Variants in SMAD4 observed in about 807,000 individuals in gnomAD.
SMAD4 encodes MAD homolog 4.
In SMAD4, 7 loss-of-function variants were observed where a neutral mutation model predicts 63.2. The observed-to-expected ratio is 0.11, with a 90% CI of 0.06 to 0.21. The LOEUF is 0.21. Among genes scored for constraint, SMAD4 ranks in the 10% least tolerant of loss-of-function variants. The pLI, the probability that SMAD4 is intolerant of heterozygous loss-of-function variation, is 1.00. For missense variants in SMAD4, 312 were observed against 693.8 expected (o/e 0.45, Z 6.18); for synonymous variants, 215 against 235.4 (o/e 0.91, Z 0.79).
intron 1 of SMAD4, among the ~76,000 whole-genome samples, chr18:51,041,397 A>G (rs921477168): frequency 1.3e-5 from 2 of 152,078 alleles, no homozygotes; most frequent in African/African-American, 2.4e-5. Context: ...CCTCATCCCT[A>G]CCTTGAAATT....
rs1344252125 is a variant in SMAD4, at chr18:51,084,000, GCACGCGCGCGCGCACA to G, written c.*5537_*5552del. 64 of 201,364 alleles carry G rather than the reference GCACGCGCGCGCGCACA, an allele frequency of 3.2e-4. No individual in the cohort carries two copies. The highest frequency in any genetic ancestry group is 1.7e-3 in the African/African-American group (58 of 34,354). 12.5% of individuals were successfully genotyped at this position (201,364 alleles called of 1,614,324 possible). A position where few individuals can be genotyped will look rare whatever the true frequency, so the allele number is the denominator to read the frequency against. ...TGCAATAAACACTTAACGCGCGTGC[GCACGCGCGCGCGCACA>G]CACACACACACACACACACACACAC... On this transcript the variant is annotated 3_prime_UTR_variant, in exon 12 of 12. Coordinates refer to ENST00000342988, the MANE Select transcript of SMAD4 (RefSeq NM_005359.6).
intron 1 of SMAD4, among the ~76,000 whole-genome samples, chr18:51,032,097 C>T (rs1237814867): frequency 6.6e-6 from 1 of 152,016 alleles, no homozygotes; most frequent in African/African-American, 2.4e-5. Context: ...ATTTGTAATT[C>T]GGAGTAGCTT....
intron 10 of SMAD4, among the ~76,000 whole-genome samples, chr18:51,076,342 A>T (rs1910470328): frequency 6.6e-6 from 1 of 152,170 alleles, no homozygotes; most frequent in African/African-American, 2.4e-5. Context: ...TACATTTTAC[A>T]CAGATTTCCA....
intron 7 of SMAD4, among the ~76,000 whole-genome samples, chr18:51,059,460 A>G (rs1355955484): frequency 6.6e-6 from 1 of 152,258 alleles, no homozygotes; most frequent in Non-Finnish European, 1.5e-5. Flanking sequence ...TATGTTAGCT[A>G]TGATTCCATT....
rs542581332 is a variant in SMAD4, at chr18:51,053,919, C to G, written c.455-862C>G. The G allele has an allele frequency of 3.3e-5, 5 of 152,198 alleles. No individual in the cohort carries two copies. The East Asian group carries it at 9.7e-4, about 29-fold the overall frequency. The allele number at this position is 152,198 out of a possible 1,614,324, so 9.4% of individuals were successfully genotyped here. A position where few individuals can be genotyped will look rare whatever the true frequency, so the allele number is the denominator to read the frequency against. On this transcript the variant is annotated intron_variant, in intron 4 of 11. Transcript: ENST00000342988. ...TGGTTGCTAAAGGTAAAAAGCAAACCTTAAAACAATAACCTAAAAACAAAT... is the reference window on the plus strand; with the variant it reads ...TGGTTGCTAAAGGTAAAAAGCAAACGTTAAAACAATAACCTAAAAACAAAT...
At chr18:51,055,268 A>G (rs946458326) in intron 5 of SMAD4, among the ~76,000 whole-genome samples, 1 of 152,164 alleles carries the variant, frequency 6.6e-6, no homozygotes, top group African/African-American at 2.4e-5. Flanking sequence ...TATATTTTGG[A>G]GAAATATTTA....
intron 8 of SMAD4, among the ~76,000 whole-genome samples, chr18:51,060,387 C>A (rs956317037): frequency 1.3e-5 from 2 of 152,074 alleles, no homozygotes; most frequent in Admixed American, 6.5e-5. Context: ...TTCTTCAGTT[C>A]AAAGTTTGTG....
intron 4 of SMAD4, among the ~76,000 whole-genome samples, chr18:51,051,941 G>A (rs879289576): frequency 6.6e-6 from 1 of 151,926 alleles, no homozygotes; most frequent in Non-Finnish European, 1.5e-5. Flanking sequence ...TGAGTAGCTG[G>A]GATTACAGGT....
At chr18:51,037,755 A>T (rs1015900800) in intron 1 of SMAD4, among the ~76,000 whole-genome samples, 2 of 152,186 alleles carry the variant, frequency 1.3e-5, no homozygotes, top group African/African-American at 4.8e-5. Flanking sequence ...TTTTTATTTA[A>T]CAGGATGACA....
chr18:51,069,242 C>T (rs532059809), intron 10 of SMAD4, among the ~76,000 whole-genome samples: 3 of 152,112 alleles, frequency 2.0e-5, no homozygotes, highest in East Asian at 1.9e-4. Flanking sequence ...TTAGCCTCTC[C>T]GGTAGCTGGG....
At chr18:51,056,724 G>A (rs1005448777) in intron 5 of SMAD4, among the ~76,000 whole-genome samples, 12 of 151,498 alleles carry the variant, frequency 7.9e-5, no homozygotes, top group African/African-American at 2.9e-4. Flanking sequence ...GCTATTTTAC[G>A]TGAGCTGATT....
chr18:51,046,286 A>G (rs1909539674), intron 1 of SMAD4, among the ~76,000 whole-genome samples: 1 of 152,162 alleles, frequency 6.6e-6, no homozygotes, highest in Non-Finnish European at 1.5e-5. Flanking sequence ...TCTTTTTGAT[A>G]TATCCATCTC....
In SMAD4 at chr18:51,048,790, G is replaced by A. The variant is rs145988618; in HGVS notation, c.354G>A (p.Ala118=). The part of the protein sequence containing the change: ...ELKHVKYCQY[A]FDLKCDSVCV... ...AACATGTTAAATATTGTCAGTATGC[G>A]TTTGACTTAAAATGTGATAGTGTCT... is the stretch of plus-strand genomic sequence containing the variant. The change falls in exon 3 of 12, where the codon GCG becomes GCA. Residue 118 remains alanine, a synonymous_variant. Transcript: ENST00000342988. The A allele has an allele frequency of 3.7e-3, 6,003 of 1,613,918 alleles. 17 individuals are homozygous for A. Among genetic ancestry groups the A allele is most frequent in the Non-Finnish European group, 4.6e-3 (5,409 of 1,179,860 alleles).
At chr18:51,049,461 AT>A (rs1909642801) in intron 4 of SMAD4, 137 bp downstream of exon 4, 2 of 720,466 alleles carry the variant, frequency 2.8e-6, no homozygotes, top group Non-Finnish European at 5.0e-6. Context: ...GGAAATGTAG[AT>A]TTTGAGGTTA....
chr18:51,074,971 A>T (rs553617942), intron 10 of SMAD4, among the ~76,000 whole-genome samples: 2 of 152,256 alleles, frequency 1.3e-5, no homozygotes, highest in South Asian at 4.1e-4. Flanking sequence ...GGGCCTCCCA[A>T]AGTGCTGGGA....
Position 51,040,437 on chromosome 18 carries a change from T to A in SMAD4, c.-127-6483T>A, listed in dbSNP as rs922446912. On this transcript the variant is annotated intron_variant, in intron 1 of 11. Transcript: ENST00000342988. ...ACTCTGTCTCAAAAAAAAAAAAAAATTTTAAGCACTTTTCTCAAATATTCC... is the reference window on the plus strand; with the variant it reads ...ACTCTGTCTCAAAAAAAAAAAAAAAATTTAAGCACTTTTCTCAAATATTCC... Among the ~76,000 whole-genome samples, 31 of 143,320 alleles carry A rather than the reference T, an allele frequency of 2.2e-4. 1 individual carries two copies. Among genetic ancestry groups the A allele is most frequent in the South Asian group, 4.4e-4 (2 of 4,564 alleles). The allele number at this position is 143,320 out of a possible 152,430, so 94.0% of individuals were successfully genotyped here.
At position 51,035,111 on chromosome 18, in the gene SMAD4, T is replaced by C. The variant is rs148159939; in HGVS notation, c.-128+4488T>C. On this transcript the variant is annotated intron_variant, in intron 1 of 11. Transcript: ENST00000342988. The stretch of plus-strand genomic sequence containing the variant: ...TCTAACTTAACGGGTCTTTTGAAAG[T>C]ATTGCCACATTTGCTTTGCTTCTGT... Among the ~76,000 whole-genome samples, 3 of 152,356 alleles carry C rather than the reference T, an allele frequency of 2.0e-5. No homozygotes were observed. In the East Asian group the frequency reaches 5.8e-4, roughly 29 times the overall value.
rs1222841339 is a variant in SMAD4 at position 51,081,932 on chromosome 18, A to G, written c.*3465A>G. On this transcript the variant is annotated 3_prime_UTR_variant, in exon 12 of 12. Coordinates refer to ENST00000342988, the MANE Select transcript of SMAD4 (RefSeq NM_005359.6). ...TGCCTGGTTTGATGGTAACTGGTTAATAGTTACTCACCATTTTATGCAGAG... is the reference window on the plus strand; with the variant it reads ...TGCCTGGTTTGATGGTAACTGGTTAGTAGTTACTCACCATTTTATGCAGAG... 8.6e-6 allele frequency: 2 copies of G among 231,990 alleles called. No individual in the cohort carries two copies. Among genetic ancestry groups the G allele is most frequent in the African/African-American group, 4.4e-5 (2 of 45,286 alleles). 14.4% of individuals were successfully genotyped at this position (231,990 alleles called of 1,614,324 possible). A position where few individuals can be genotyped will look rare whatever the true frequency, so the allele number is the denominator to read the frequency against.
chr18:51,058,588 G>A, intron 7 of SMAD4, 132 bp downstream of exon 7: 2 of 694,820 alleles, frequency 2.9e-6, no homozygotes, highest in Non-Finnish European at 5.0e-6. Flanking sequence ...GTGCTTTTCA[G>A]TATTTTTTGT....
Sources: allele counts gnomAD v4.1 joint callset (sites outside exome capture counted in the v4.1 genomes callset), GRCh38; gene constraint gnomAD v4.1.1; transcripts MANE v1.5; gene names NCBI Gene and HGNC (gene_info 2026-07-23, HGNC 2026-07-21).